The following BOLL variants were observed in gnomAD, a reference collection of about 807,000 sequenced individuals.
BOLL encodes boule RNA binding protein, also known as protein boule-like.
In BOLL, 23 loss-of-function variants were observed where a neutral mutation model predicts 44.4. That is an observed-to-expected ratio of 0.52 (90% CI 0.37 to 0.73). BOLL has a LOEUF of 0.73. Among genes scored for constraint, BOLL ranks in the 30% least tolerant of loss-of-function variants. The pLI, the probability that BOLL is intolerant of heterozygous loss-of-function variation, is 0.00. For missense variants in BOLL, 287 were observed against 338.3 expected, an observed-to-expected ratio of 0.85 and a Z score of 1.19; for synonymous variants, 97 against 110.8, an observed-to-expected ratio of 0.88 and a Z score of 0.78.
intron 10 of BOLL, among the ~76,000 whole-genome samples, chr2:197,741,116 T>G (rs1267627606): frequency 6.6e-6 from 1 of 152,186 alleles, no homozygotes; most frequent in Non-Finnish European, 1.5e-5. Context: ...CCCGTGAGCA[T>G]GGAATGTTCT....
chr2:197,758,927 G>A, intron 7 of BOLL: 1 of 1,532,614 alleles, frequency 6.5e-7, no homozygotes, highest in Non-Finnish European at 8.7e-7. Flanking sequence ...TGTTAGCCAG[G>A]GGAGCAAAAC....
At chr2:197,734,648 T>C (rs960355683) in intron 10 of BOLL, among the ~76,000 whole-genome samples, 2 of 152,194 alleles carry the variant, frequency 1.3e-5, no homozygotes, top group Admixed American at 1.3e-4. Flanking sequence ...GATGAGTTCA[T>C]GTCCTTTGTA....
intron 7 of BOLL, among the ~76,000 whole-genome samples, chr2:197,762,806 A>G (rs1333325286): frequency 6.6e-6 from 1 of 152,178 alleles, no homozygotes; most frequent in Admixed American, 6.5e-5. Context: ...CACCCTTACA[A>G]TGTACCTCTA....
At chr2:197,740,624 T>A (rs955943275) in intron 10 of BOLL, among the ~76,000 whole-genome samples, 1 of 152,142 alleles carries the variant, frequency 6.6e-6, no homozygotes, top group Non-Finnish European at 1.5e-5. Context: ...AAATGTCACA[T>A]GTCATCAACA....
chr2:197,775,158 G>C (rs1316907307), intron 5 of BOLL, among the ~76,000 whole-genome samples: 1 of 151,778 alleles, frequency 6.6e-6, no homozygotes, highest in African/African-American at 2.4e-5. Context: ...TTTGAGGAAG[G>C]TAGATACATA....
At chr2:197,743,237 T>C in intron 9 of BOLL, 78 bp from the exon 10 acceptor site, 3 of 996,144 alleles carry the variant, frequency 3.0e-6, no homozygotes, top group Non-Finnish European at 4.3e-6. Flanking sequence ...TACAATATAC[T>C]AATCATCTAG....
At chr2:197,770,913 G>T (rs1375781084) in intron 6 of BOLL, among the ~76,000 whole-genome samples, 5 of 152,150 alleles carry the variant, frequency 3.3e-5, no homozygotes, top group African/African-American at 1.2e-4. Context: ...GTGTAAACTA[G>T]TTCAACCATT....
intron 10 of BOLL, among the ~76,000 whole-genome samples, chr2:197,729,969 C>T (rs1574789661): frequency 6.6e-6 from 1 of 152,038 alleles, no homozygotes; most frequent in East Asian, 1.9e-4. Flanking sequence ...TGGGGAATGA[C>T]TTTGACGAGC....
chr2:197,729,521 C>T (rs1687041597), intron 10 of BOLL, among the ~76,000 whole-genome samples: 1 of 152,156 alleles, frequency 6.6e-6, no homozygotes, highest in Non-Finnish European at 1.5e-5. Flanking sequence ...AGGGCACAGA[C>T]AAACAAAAAG....
At chr2:197,777,299 A>C (rs1689562908) in intron 3 of BOLL, among the ~76,000 whole-genome samples, 186 bp from the exon 4 acceptor site, 1 of 151,862 alleles carries the variant, frequency 6.6e-6, no homozygotes, top group Non-Finnish European at 1.5e-5. Context: ...ACTTTTAGTC[A>C]GGAACTAAAA....
Position 197,785,100 on chromosome 2 carries a change from A to G in BOLL, c.-60T>C, listed in dbSNP as rs2106401775. The G allele has an allele frequency of 2.0e-6, 2 of 985,930 alleles. No individual in the cohort carries two copies. Among genetic ancestry groups the G allele is most frequent in the South Asian group, 4.7e-5 (1 of 21,286 alleles). The allele number at this position is 985,930 out of a possible 1,614,324, so 61.1% of individuals were successfully genotyped here. ...GCGCTCCTCCCCCTCCAAGGCCAGC[A>G]AGTTGCGGCACTGGGGGAAATGGCC... On this transcript the variant is annotated 5_prime_UTR_variant, in exon 1 of 11. Transcript: ENST00000392296. The surrounding 1 kb of genome is among the most constrained non-coding windows in gnomAD (Gnocchi z 6.7).
At chr2:197,743,303 A>T in intron 9 of BOLL, 144 bp from the exon 10 acceptor site, 2 of 499,006 alleles carry the variant, frequency 4.0e-6, no homozygotes, top group Non-Finnish European at 6.9e-6. Context: ...TTAACTTATA[A>T]TCTGATGAGT....
chr2:197,773,532 T>G (rs1438095136), intron 5 of BOLL, among the ~76,000 whole-genome samples: 1 of 151,926 alleles, frequency 6.6e-6, no homozygotes, highest in Non-Finnish European at 1.5e-5. Flanking sequence ...TCAATTATTA[T>G]GTATACAAAA....
At chr2:197,774,868 T>C (rs1220542135) in intron 5 of BOLL, 1 of 151,942 alleles carries the variant, frequency 6.6e-6, no homozygotes, top group African/African-American at 2.4e-5. Context: ...ACCAAATATC[T>C]ATTATTTCTA....
intron 9 of BOLL, among the ~76,000 whole-genome samples, chr2:197,744,123 C>T (rs1687888097): frequency 6.6e-6 from 1 of 152,160 alleles, no homozygotes. Context: ...TCTTTTTTCA[C>T]ACTGTGTCTT....
rs142614771 is a variant in BOLL, at chr2:197,754,750, A to AACACACACACACACAC, written c.729+1662_729+1677dup. Among the ~76,000 whole-genome samples the AACACACACACACACAC allele has an allele frequency of 8.5e-4, 127 of 150,080 alleles. 1 individual carries two copies. The highest frequency in any genetic ancestry group is 2.9e-3 in the African/African-American group (121 of 41,148). ...CAAAAAACAAACAAAAAAACCCCAA[A>AACACACACACACACAC]ACACACACACACACACACACACACA... On this transcript the variant is annotated intron_variant, in intron 9 of 10. Transcript: ENST00000392296.
chr2:197,742,131 T>G (rs2106325379), intron 10 of BOLL, among the ~76,000 whole-genome samples: 1 of 152,294 alleles, frequency 6.6e-6, no homozygotes, highest in East Asian at 1.9e-4. Flanking sequence ...CTTACACCAG[T>G]TAGAATGGCG....
intron 7 of BOLL, among the ~76,000 whole-genome samples, chr2:197,762,120 C>A (rs896801980): frequency 3.9e-5 from 6 of 151,976 alleles, no homozygotes; most frequent in African/African-American, 7.3e-5. Context: ...CCGAGGTGGG[C>A]AGATCACAAG....
chr2:197,728,954 C>T (rs1203950702), intron 10 of BOLL, among the ~76,000 whole-genome samples: 4 of 152,142 alleles, frequency 2.6e-5, no homozygotes, highest in East Asian at 1.9e-4. Flanking sequence ...CTATTTAGAA[C>T]GCTGTCCAGG....
Sources: allele counts gnomAD v4.1 joint callset (sites outside exome capture counted in the v4.1 genomes callset), GRCh38; gene constraint gnomAD v4.1.1; non-coding constraint Gnocchi (gnomAD v3.1); transcripts MANE v1.5; gene names NCBI Gene and HGNC (gene_info 2026-07-23, HGNC 2026-07-21).